The following GRIP1 variants were observed in gnomAD, a reference collection of about 807,000 sequenced individuals.
GRIP1 encodes glutamate receptor interacting protein 1.
A neutral mutation model predicts 129.9 loss-of-function variants in GRIP1; 45 were observed. That is an observed-to-expected ratio of 0.35 (90% CI 0.27 to 0.44). GRIP1 has a LOEUF of 0.44. GRIP1 is among the 20% of genes least tolerant of loss of function. GRIP1 has a pLI of 1.00. For synonymous variants in GRIP1, 530 were observed against 520.8 expected (o/e 1.02, Z -0.24); for missense variants, 1,196 against 1,396.8 (o/e 0.86, Z 2.29).
intron 1 of GRIP1, among the ~76,000 whole-genome samples, chr12:66,958,517 G>A (rs12831144): frequency 0.37 from 55,979 of 152,016 alleles, 10,642 homozygotes; most frequent in East Asian, 0.53. Flanking sequence ...AGAATCAGCT[G>A]TTTCTCCAAG....
intron 1 of GRIP1, among the ~76,000 whole-genome samples, chr12:67,014,717 A>G (rs549105094): frequency 4.4e-4 from 67 of 151,554 alleles, no homozygotes; most frequent in African/African-American, 8.0e-4. Context: ...ATAATCTGGG[A>G]AAAAAAAAGA....
intron 1 of GRIP1, among the ~76,000 whole-genome samples, chr12:67,068,339 G>T (rs2043667066): frequency 6.6e-6 from 1 of 152,180 alleles, no homozygotes; most frequent in Non-Finnish European, 1.5e-5. Context: ...CTTTTGCAAA[G>T]AAAATAGACA....
intron 1 of GRIP1, among the ~76,000 whole-genome samples, chr12:66,648,206 T>C (rs2032520658): frequency 6.6e-6 from 1 of 151,900 alleles, no homozygotes; most frequent in African/African-American, 2.4e-5. Context: ...TCCTGGCTTG[T>C]GGCTCATGCC....
At chr12:66,688,937 T>C (rs1022101816) in intron 1 of GRIP1, among the ~76,000 whole-genome samples, 2 of 152,154 alleles carry the variant, frequency 1.3e-5, no homozygotes, top group African/African-American at 4.8e-5. Flanking sequence ...GGTCTCTTCC[T>C]CTCATCAGGC....
intron 1 of GRIP1, among the ~76,000 whole-genome samples, chr12:66,701,797 C>T (rs1396503573): frequency 6.6e-6 from 1 of 152,188 alleles, no homozygotes; most frequent in East Asian, 1.9e-4. Flanking sequence ...CTTGAGTTAA[C>T]CCTACACTTG....
At chr12:66,985,996 C>T (rs962142072) in intron 1 of GRIP1, among the ~76,000 whole-genome samples, 4 of 152,126 alleles carry the variant, frequency 2.6e-5, no homozygotes, top group African/African-American at 7.2e-5. Flanking sequence ...TCCTGATTTT[C>T]GCCCTTGAGA....
At chr12:66,687,243 C>T (rs1046633179) in intron 1 of GRIP1, among the ~76,000 whole-genome samples, 2 of 152,126 alleles carry the variant, frequency 1.3e-5, no homozygotes, top group African/African-American at 2.4e-5. Context: ...AATACTCTGT[C>T]ACCCCTTCAA....
At chr12:66,389,627 T>C (rs2056501229) in intron 19 of GRIP1, among the ~76,000 whole-genome samples, 2 of 152,100 alleles carry the variant, frequency 1.3e-5, no homozygotes, top group African/African-American at 4.8e-5. Context: ...TTCACAAGAC[T>C]TTGAGATCTC....
intron 1 of GRIP1, among the ~76,000 whole-genome samples, chr12:67,022,709 T>A (rs1198188813): frequency 1.3e-5 from 2 of 152,180 alleles, no homozygotes; most frequent in African/African-American, 4.8e-5. Context: ...ATCTTTTTTT[T>A]ATTTCAACTT....
At chr12:66,684,192 G>T (rs1366604212) in intron 1 of GRIP1, among the ~76,000 whole-genome samples, 1 of 152,158 alleles carries the variant, frequency 6.6e-6, no homozygotes, top group African/African-American at 2.4e-5. Flanking sequence ...TTTGACACTT[G>T]CTTACAGAAC....
In GRIP1 at chr12:66,392,813, A is replaced by G; in HGVS notation, c.2133T>C (p.Thr711=). 3 of 1,613,978 alleles carry G rather than the reference A, an allele frequency of 1.9e-6. No homozygotes were observed. The highest frequency in any genetic ancestry group is 2.5e-6 in the Non-Finnish European group (3 of 1,179,854). ...TTCGGTCTCCTATGTGGATTGCGCC[A>G]GTTCTGAAAAGCCAAATAGTAATAG... The part of the protein sequence containing the change: ...SLTKGGLAER[T]GAIHIGDRIL... The change falls in exon 18 of 25, where the codon ACT becomes ACC. Residue 711 remains threonine, a synonymous_variant. Coordinates refer to ENST00000359742, the MANE Select transcript of GRIP1 (RefSeq NM_001366722.1).
intron 7 of GRIP1, among the ~76,000 whole-genome samples, chr12:66,501,450 C>T (rs2060390630): frequency 6.6e-6 from 1 of 152,058 alleles, no homozygotes; most frequent in African/African-American, 2.4e-5. Context: ...CAGTGAATGA[C>T]TGGAGCTCAT....
intron 1 of GRIP1, among the ~76,000 whole-genome samples, chr12:66,895,610 T>A (rs2040734493): frequency 6.6e-6 from 1 of 152,160 alleles, no homozygotes; most frequent in Admixed American, 6.5e-5. Context: ...GGTAATGTTC[T>A]CTACTGGGCA....
At chr12:66,652,436 A>G (rs867447118) in intron 1 of GRIP1, among the ~76,000 whole-genome samples, 2 of 152,308 alleles carry the variant, frequency 1.3e-5, no homozygotes, top group Middle Eastern at 6.8e-3. Flanking sequence ...CGGAACTGTG[A>G]GTCAATTAAA....
chr12:67,042,056 A>T (rs997675674), intron 1 of GRIP1, among the ~76,000 whole-genome samples: 4 of 152,140 alleles, frequency 2.6e-5, no homozygotes, highest in African/African-American at 9.7e-5. Context: ...TTACAGCAGG[A>T]CTGAGTTATT....
At chr12:66,890,960 T>C (rs1252272) in intron 1 of GRIP1, among the ~76,000 whole-genome samples, 72,052 of 152,086 alleles carry the variant, frequency 0.47, 18,383 homozygotes, top group Middle Eastern at 0.67. Flanking sequence ...AGAGAACATA[T>C]GGATTTGAAA....
chr12:66,417,425 C>T (rs1167005103), intron 15 of GRIP1, among the ~76,000 whole-genome samples: 1 of 152,098 alleles, frequency 6.6e-6, no homozygotes, highest in African/African-American at 2.4e-5. Context: ...CAACACAGTA[C>T]TGGAAGTCCT....
At chr12:66,901,391 A>G (rs2137271076) in intron 1 of GRIP1, among the ~76,000 whole-genome samples, 1 of 152,202 alleles carries the variant, frequency 6.6e-6, no homozygotes, top group Non-Finnish European at 1.5e-5. Context: ...CCACTCAATC[A>G]CTCCGTGTGG....
chr12:66,422,419 T>A (rs2057836024), intron 14 of GRIP1, among the ~76,000 whole-genome samples: 3 of 152,184 alleles, frequency 2.0e-5, no homozygotes, highest in Admixed American at 2.0e-4. Flanking sequence ...TCTAGTTACA[T>A]CATATTTCAA....
Sources: gnomAD v4.1 joint callset for allele counts (sites outside exome capture counted in the v4.1 genomes callset) on GRCh38, gnomAD v4.1.1 for gene constraint, MANE v1.5 for transcripts, NCBI Gene and HGNC (gene_info 2026-07-23, HGNC 2026-07-21) for gene names.